MANBA: variants seen among roughly 807,000 people sequenced by gnomAD.
MANBA encodes beta-mannosidase.
A neutral mutation model predicts 111.1 loss-of-function variants in MANBA; 83 were observed. The ratio of observed to expected loss-of-function variants is 0.75; its 90% CI spans 0.63 to 0.90. The LOEUF (loss-of-function observed/expected upper bound fraction) is 0.90, where lower values mean the gene tolerates loss of function less well. Among genes scored for constraint, MANBA ranks in the 40% least tolerant of loss-of-function variants. The pLI is 0.00. For missense variants in MANBA, 1,036 were observed against 1,069.0 expected, an observed-to-expected ratio of 0.97 and a Z score of 0.43; for synonymous variants, 370 against 378.7, an observed-to-expected ratio of 0.98 and a Z score of 0.27.
chr4:102,734,639 CA>C (rs1723144127), intron 1 of MANBA: 1 of 1,533,328 alleles, frequency 6.5e-7, no homozygotes, highest in Admixed American at 1.7e-5. Context: ...AGGAGCCAGA[CA>C]GGCAGGGAGA....
At chr4:102,736,078 A>G (rs888345168) in intron 1 of MANBA, among the ~76,000 whole-genome samples, 1 of 152,232 alleles carries the variant, frequency 6.6e-6, no homozygotes, top group African/African-American at 2.4e-5. Flanking sequence ...CTAGTGGGGT[A>G]GGTACTATTA....
At chr4:102,738,409 G>A (rs1033989087) in intron 1 of MANBA, among the ~76,000 whole-genome samples, 4 of 152,200 alleles carry the variant, frequency 2.6e-5, no homozygotes, top group Non-Finnish European at 5.9e-5. Flanking sequence ...AGACCTGAAC[G>A]TGGATCACAT....
At chr4:102,759,677 G>A (rs1724160801) in intron 1 of MANBA, among the ~76,000 whole-genome samples, 1 of 151,746 alleles carries the variant, frequency 6.6e-6, no homozygotes. Flanking sequence ...GTCAGCCACA[G>A]TGCTTCAAAA....
Position 102,723,880 on chromosome 4 carries a change from G to T in MANBA, c.360C>A (p.Asp120Glu). Residue 120 changes from aspartate to glutamate, a missense_variant, in exon 3 of 17, where the codon GAC becomes GAA. Coordinates refer to ENST00000647097, the MANE Select transcript of MANBA (RefSeq NM_005908.4). Reference sequence around the variant, plus strand: ...TACTTACATATCTATTGAACATATTGTCTGTTTCCCCAATAGTGACTTCAT... The same window carrying T: ...TACTTACATATCTATTGAACATATTTTCTGTTTCCCCAATAGTGACTTCAT... ...LFNEVTIGET[D>E]NMFNRYSFDI... is the part of the protein sequence containing the mutation. 6.3e-7 allele frequency: 1 copy of T among 1,590,504 alleles called. No homozygotes were observed. The highest frequency in any genetic ancestry group is 8.6e-7 in the Non-Finnish European group (1 of 1,159,476).
chr4:102,648,125 C>T (rs1025924785), intron 13 of MANBA, among the ~76,000 whole-genome samples: 4 of 151,632 alleles, frequency 2.6e-5, no homozygotes, highest in South Asian at 2.1e-4. Context: ...CTAAAATAGG[C>T]AAATGAAAAA....
intron 12 of MANBA, among the ~76,000 whole-genome samples, chr4:102,657,227 G>GC: frequency 8.1e-6 from 1 of 123,464 alleles, no homozygotes; most frequent in African/African-American, 2.9e-5. Flanking sequence ...TGGGGTGGGG[G>GC]GGGGGTGGGC....
chr4:102,722,774 A>G, intron 4 of MANBA, 97 bp downstream of exon 4: 1 of 1,270,586 alleles, frequency 7.9e-7, no homozygotes, highest in Non-Finnish European at 1.2e-6. Flanking sequence ...GAGATTCCTA[A>G]CTTCTGAAAT....
Position 102,664,698 on chromosome 4 carries a change from T to C in MANBA, c.1472A>G (p.Glu491Gly). 6.2e-7 allele frequency: 1 copy of C among 1,612,690 alleles called. No individual in the cohort carries two copies. The highest frequency in any genetic ancestry group is 8.5e-7 in the Non-Finnish European group (1 of 1,178,618). ...YVTLYVKNIR[E>G]LVLAGDKSRP... ...ATCATTACTTACTGCCAGTACGAGCTCTCTGATGTTTTTCACATAGAGTGT... is the reference window on the plus strand; with the variant it reads ...ATCATTACTTACTGCCAGTACGAGCCCTCTGATGTTTTTCACATAGAGTGT... Residue 491 changes from glutamate (E) to glycine (G), a missense_variant, in exon 11 of 17, where the codon GAG (glutamate) becomes GGG (glycine). Physicochemically the swap from Glu to Gly is moderately conservative, Grantham distance 98. Transcript: ENST00000647097.
chr4:102,679,367 A>T (rs1731863235), intron 7 of MANBA, among the ~76,000 whole-genome samples: 2 of 152,198 alleles, frequency 1.3e-5, no homozygotes, highest in South Asian at 4.1e-4. Flanking sequence ...TAATGAAATG[A>T]AATGAATAAT....
intron 1 of MANBA, among the ~76,000 whole-genome samples, chr4:102,733,972 C>T (rs1001701233): frequency 1.6e-4 from 24 of 152,336 alleles, no homozygotes; most frequent in Middle Eastern, 3.4e-3. Flanking sequence ...AATGAATAAA[C>T]AGAGCACAGA....
Position 102,671,399 on chromosome 4 carries a change from C to T in MANBA, c.1113-1G>A. On this transcript the variant is annotated splice_acceptor_variant, in intron 8 of 16. Coordinates refer to ENST00000647097, the MANE Select transcript of MANBA (RefSeq NM_005908.4). LOFTEE classifies it high-confidence loss of function. Reference sequence around the variant, plus strand: ...AACAGACTGTAAAAGGAGCCGTAACCTGTAGAAGACATTTTAGAAACAAAT... The same window carrying T: ...AACAGACTGTAAAAGGAGCCGTAACTTGTAGAAGACATTTTAGAAACAAAT... The T allele has an allele frequency of 2.6e-6, 4 of 1,533,776 alleles. No individual in the cohort carries two copies. Among genetic ancestry groups the T allele is most frequent in the Non-Finnish European group, 3.6e-6 (4 of 1,107,412 alleles).
chr4:102,640,886 G>C (rs1263416897), intron 13 of MANBA, among the ~76,000 whole-genome samples: 1 of 152,188 alleles, frequency 6.6e-6, no homozygotes, highest in East Asian at 1.9e-4. Context: ...ACGGAAGCCA[G>C]AAGAAATTGT....
intron 7 of MANBA, among the ~76,000 whole-genome samples, chr4:102,678,331 T>C (rs1455672186): frequency 6.6e-6 from 1 of 152,206 alleles, no homozygotes; most frequent in African/African-American, 2.4e-5. Context: ...CTCCCGCTTC[T>C]ATGATAAGTG....
intron 5 of MANBA, among the ~76,000 whole-genome samples, chr4:102,700,431 A>G (rs1004537388): frequency 4.6e-5 from 7 of 151,654 alleles, no homozygotes; most frequent in African/African-American, 9.7e-5. Flanking sequence ...TGCTTTTCTA[A>G]TTCTTTTAAT....
At chr4:102,694,253 C>G (rs981046766) in intron 5 of MANBA, among the ~76,000 whole-genome samples, 5 of 152,102 alleles carry the variant, frequency 3.3e-5, no homozygotes, top group African/African-American at 9.7e-5. Context: ...GATCTACAAG[C>G]CTACAAAGTT....
intron 2 of MANBA, among the ~76,000 whole-genome samples, chr4:102,725,277 A>T (rs113775284): frequency 0.033 from 5,027 of 152,076 alleles, 163 homozygotes; most frequent in African/African-American, 0.089. Flanking sequence ...TATTTTTTTT[A>T]AAACTAGGTA....
At position 102,687,573 on chromosome 4, in the gene MANBA, C is replaced by T. The variant is rs116567127; in HGVS notation, c.960+2001G>A. 8.3e-4 allele frequency among the ~76,000 whole-genome samples: 127 copies of T among 152,268 alleles called. 2 individuals are homozygous for T. In the East Asian group the frequency reaches 0.02, roughly 24 times the overall value. ...ATCCTTTCTAGTCCTTGGGCCTTCA[C>T]GTTCTTTTCCCTCCGCCTCTTTGCT... On this transcript the variant is annotated intron_variant, in intron 7 of 16. Transcript: ENST00000647097.
intron 4 of MANBA, among the ~76,000 whole-genome samples, chr4:102,720,604 CAAA>C (rs528189031): frequency 7.6e-6 from 1 of 130,802 alleles, no homozygotes; most frequent in Non-Finnish European, 1.6e-5. Flanking sequence ...GACTTCATCT[CAAA>C]AAAAAAAAAG....
intron 7 of MANBA, among the ~76,000 whole-genome samples, chr4:102,688,884 G>A (rs1029259143): frequency 6.6e-6 from 1 of 152,160 alleles, no homozygotes; most frequent in African/African-American, 2.4e-5. Context: ...TGGTTCTGGG[G>A]AGTAGGAAGT....
Sources: allele counts gnomAD v4.1 joint callset (sites outside exome capture counted in the v4.1 genomes callset), GRCh38; gene constraint gnomAD v4.1.1; transcripts MANE v1.5; gene names NCBI Gene and HGNC (gene_info 2026-07-23, HGNC 2026-07-21).